Variants in DAB1 observed in about 807,000 individuals in gnomAD.
DAB1 encodes the protein DAB adaptor protein 1, also known as disabled homolog 1.
In DAB1, 15 loss-of-function variants were observed where a neutral mutation model predicts 64.6. That is an observed-to-expected ratio of 0.23 (90% CI 0.16 to 0.36). The LOEUF (loss-of-function observed/expected upper bound fraction) is 0.36. DAB1 is among the 10% of genes least tolerant of loss of function. DAB1 has a pLI of 1.00. For missense variants in DAB1, 596 were observed against 706.7 expected, an observed-to-expected ratio of 0.84 and a Z score of 1.78; for synonymous variants, 235 against 251.9, an observed-to-expected ratio of 0.93 and a Z score of 0.64.
At chr1:57,752,072 T>C (rs1197992783) in intron 6 of DAB1, among the ~76,000 whole-genome samples, 2 of 152,178 alleles carry the variant, frequency 1.3e-5, no homozygotes, top group African/African-American at 2.4e-5. Context: ...CCCCCAGCAG[T>C]AGCAATTGCT....
chr1:57,827,158 T>G (rs1050599124), intron 1 of DAB1, among the ~76,000 whole-genome samples: 11 of 152,214 alleles, frequency 7.2e-5, no homozygotes, highest in African/African-American at 2.7e-4. Flanking sequence ...AGATCCAGTT[T>G]TTGATTCCCT....
At chr1:57,908,305 C>T (rs943439519) in intron 5 of DAB1, among the ~76,000 whole-genome samples, 1 of 152,098 alleles carries the variant, frequency 6.6e-6, no homozygotes, top group African/African-American at 2.4e-5. Context: ...GTTACTCATC[C>T]TTGTGCCCAT....
chr1:58,120,114 A>T (rs1220746719), intron 5 of DAB1, among the ~76,000 whole-genome samples: 1 of 152,136 alleles, frequency 6.6e-6, no homozygotes, highest in African/African-American at 2.4e-5. Context: ...TATCAACTTG[A>T]AAGGTAATGT....
chr1:57,568,552 T>C (rs1388396972), intron 7 of DAB1, among the ~76,000 whole-genome samples: 1 of 152,062 alleles, frequency 6.6e-6, no homozygotes, highest in African/African-American at 2.4e-5. Flanking sequence ...ATATCCAGAA[T>C]CTACAAAGAA....
chr1:58,217,926 C>A (rs1658941635), intron 4 of DAB1, among the ~76,000 whole-genome samples: 1 of 151,986 alleles, frequency 6.6e-6, no homozygotes, highest in South Asian at 2.1e-4. Context: ...ATCAGCTTTA[C>A]AGAAAATGAG....
chr1:58,127,051 T>C (rs1489056739), intron 5 of DAB1, among the ~76,000 whole-genome samples: 1 of 150,830 alleles, frequency 6.6e-6, no homozygotes, highest in African/African-American at 2.4e-5. Flanking sequence ...TCCACAATGG[T>C]TGAACTAGTT....
At chr1:57,752,203 G>A (rs149543754) in intron 6 of DAB1, among the ~76,000 whole-genome samples, 17 of 152,334 alleles carry the variant, frequency 1.1e-4, no homozygotes, top group East Asian at 7.7e-4. Flanking sequence ...CAAATGGAGA[G>A]TATATTTTTA....
chr1:58,411,247 G>A (rs975588402), intron 3 of DAB1, among the ~76,000 whole-genome samples: 2 of 152,166 alleles, frequency 1.3e-5, no homozygotes, highest in Admixed American at 1.3e-4. Flanking sequence ...CTTAAACATA[G>A]TAGTTAAGAG....
In DAB1 at chr1:57,314,224, A is replaced by C. The variant is rs560134924; in HGVS notation, c.-136-23058T>G. ...TTCTCAATAGATACACATACTTAAT[A>C]CTGACAACAGACTTAAAAGGAAACA... On this transcript the variant is annotated intron_variant, in intron 1 of 14. Transcript: ENST00000371236. 2.2e-4 allele frequency among the ~76,000 whole-genome samples: 34 copies of C among 152,352 alleles called. No individual in the cohort carries two copies. In the South Asian group the frequency reaches 6.6e-3, roughly 30 times the overall value.
intron 5 of DAB1, among the ~76,000 whole-genome samples, chr1:57,950,871 C>T (rs2100235493): frequency 6.6e-6 from 1 of 152,280 alleles, no homozygotes; most frequent in African/African-American, 2.4e-5. Flanking sequence ...GCCCTGTGGA[C>T]TGATATCCCT....
intron 1 of DAB1, among the ~76,000 whole-genome samples, chr1:57,401,625 CAGTG>C (rs1683251349): frequency 6.6e-6 from 1 of 152,212 alleles, no homozygotes. Context: ...TAAAATCACA[CAGTG>C]AGCAGGGATC....
At chr1:57,643,243 G>A (rs1358301069) in intron 7 of DAB1, among the ~76,000 whole-genome samples, 3 of 152,144 alleles carry the variant, frequency 2.0e-5, no homozygotes, top group Non-Finnish European at 4.4e-5. Context: ...TGTTCCTACA[G>A]TTACCTCTTC....
intron 5 of DAB1, among the ~76,000 whole-genome samples, chr1:58,138,466 T>C (rs963181356): frequency 6.6e-6 from 1 of 152,136 alleles, no homozygotes; most frequent in African/African-American, 2.4e-5. Flanking sequence ...AAGGGCATCC[T>C]GAGGAATACA....
intron 7 of DAB1, among the ~76,000 whole-genome samples, chr1:57,453,626 CA>C (rs1372047854): frequency 2.0e-5 from 3 of 151,864 alleles, no homozygotes; most frequent in South Asian, 2.1e-4. Context: ...AAAAATATAA[CA>C]AAAAAATAGG....
intron 7 of DAB1, among the ~76,000 whole-genome samples, chr1:57,521,195 A>G (rs58873103): frequency 0.07 from 10,642 of 152,248 alleles, 1,158 homozygotes; most frequent in African/African-American, 0.23. Context: ...CACAGCTGCC[A>G]TATCCTCTGG....
intron 7 of DAB1, among the ~76,000 whole-genome samples, chr1:57,470,553 T>C (rs1315950268): frequency 6.6e-6 from 1 of 152,166 alleles, no homozygotes; most frequent in Non-Finnish European, 1.5e-5. Context: ...ATTTGGTTAC[T>C]TGTGTATCAT....
intron 5 of DAB1, among the ~76,000 whole-genome samples, chr1:57,999,100 G>A (rs2100398463): frequency 6.6e-6 from 1 of 152,288 alleles, no homozygotes; most frequent in Non-Finnish European, 1.5e-5. Flanking sequence ...CGCTGTTCCT[G>A]CCAAAGACTA....
chr1:57,710,343 T>C (rs1225931273), intron 6 of DAB1, among the ~76,000 whole-genome samples: 2 of 152,216 alleles, frequency 1.3e-5, no homozygotes, highest in Non-Finnish European at 2.9e-5. Flanking sequence ...CGGAATAGTA[T>C]ACAATAAAAT....
intron 7 of DAB1, among the ~76,000 whole-genome samples, chr1:57,553,144 G>A (rs567370138): frequency 6.6e-6 from 1 of 151,872 alleles, no homozygotes; most frequent in East Asian, 2.0e-4. Flanking sequence ...TAAATCTGAG[G>A]TACCTATGGG....
Sources: allele counts gnomAD v4.1 joint callset (sites outside exome capture counted in the v4.1 genomes callset), GRCh38; gene constraint gnomAD v4.1.1; transcripts MANE v1.5; gene names NCBI Gene and HGNC (gene_info 2026-07-23, HGNC 2026-07-21).